ITSN2: variants seen among roughly 807,000 people sequenced by gnomAD.
ITSN2 encodes intersectin 2, also known as intersectin-2.
In ITSN2, 156 loss-of-function variants were observed where a neutral mutation model predicts 243.7. That is an observed-to-expected ratio of 0.64 (90% CI 0.56 to 0.73). ITSN2 has a LOEUF of 0.73. ITSN2 is among the 30% of genes least tolerant of loss of function. ITSN2 has a pLI of 0.00. For synonymous variants in ITSN2, 703 were observed against 699.9 expected (o/e 1.00, Z -0.07); for missense variants, 1,801 against 1,996.1 (o/e 0.90, Z 1.86).
chr2:24,208,691 C>A (rs901258772), intron 36 of ITSN2, among the ~76,000 whole-genome samples: 1 of 152,220 alleles, frequency 6.6e-6, no homozygotes, highest in Non-Finnish European at 1.5e-5. Flanking sequence ...AAGCTGGGAA[C>A]AGCGGGGATG....
chr2:24,228,549 T>C (rs986123038), intron 29 of ITSN2, among the ~76,000 whole-genome samples: 5 of 152,106 alleles, frequency 3.3e-5, no homozygotes, highest in Non-Finnish European at 5.9e-5. Flanking sequence ...AAGAGAATCA[T>C]TAGAGATAAA....
intron 15 of ITSN2, among the ~76,000 whole-genome samples, chr2:24,289,089 T>C (rs184830144): frequency 4.6e-4 from 70 of 152,334 alleles, no homozygotes; most frequent in Admixed American, 1.4e-3. Context: ...CAAGATTGCT[T>C]TGGCTATTTG....
At chr2:24,322,785 A>C (rs983131809) in intron 2 of ITSN2, among the ~76,000 whole-genome samples, 1 of 152,196 alleles carries the variant, frequency 6.6e-6, no homozygotes, top group Admixed American at 6.5e-5. Flanking sequence ...AGGAAAAGAC[A>C]AACTACAGGC....
chr2:24,205,387 G>A, intron 37 of ITSN2, 90 bp from the exon 38 acceptor site: 1 of 1,074,978 alleles, frequency 9.3e-7, no homozygotes, highest in Non-Finnish European at 1.4e-6. Context: ...CCGGCTCCCT[G>A]TCCCCATCTG....
At chr2:24,343,743 C>T (rs1358778443) in intron 1 of ITSN2, among the ~76,000 whole-genome samples, 1 of 152,194 alleles carries the variant, frequency 6.6e-6, no homozygotes, top group African/African-American at 2.4e-5. Flanking sequence ...AGAGACACAA[C>T]CCTCTAACTC....
rs1269513369 is a variant in ITSN2, at chr2:24,338,551, TGAG to T, written c.-33-10439_-33-10437del. Among the ~76,000 whole-genome samples the T allele has an allele frequency of 3.9e-5, 6 of 152,360 alleles. No individual in the cohort carries two copies. The East Asian group carries it at 1.2e-3, about 29-fold the overall frequency. On this transcript the variant is annotated intron_variant, in intron 1 of 39. Transcript: ENST00000355123. ...GAGAGTTTGGTTCTTTTCATCGACATGAGAAGAGCTGGAGCAAAATTACCTGCT... is the reference window on the plus strand; with the variant it reads ...GAGAGTTTGGTTCTTTTCATCGACATAAGAGCTGGAGCAAAATTACCTGCT...
At chr2:24,259,628 T>G (rs1675547080) in intron 22 of ITSN2, among the ~76,000 whole-genome samples, 1 of 152,220 alleles carries the variant, frequency 6.6e-6, no homozygotes, top group South Asian at 2.1e-4. Flanking sequence ...ACAATGCTTG[T>G]TTCCTGCAAA....
chr2:24,209,321 GAGA>G (rs1669245746), intron 35 of ITSN2, 100 bp from the exon 36 acceptor site: 2 of 1,427,566 alleles, frequency 1.4e-6, no homozygotes, highest in Admixed American at 3.7e-5. Context: ...GAGCCTTGTT[GAGA>G]AGGAGAAAGG....
At chr2:24,337,995 T>C (rs937952949) in intron 1 of ITSN2, among the ~76,000 whole-genome samples, 6 of 152,172 alleles carry the variant, frequency 3.9e-5, no homozygotes, top group African/African-American at 1.2e-4. Context: ...ACCTTCTGAA[T>C]GGACTTCCTT....
intron 13 of ITSN2, among the ~76,000 whole-genome samples, chr2:24,296,483 A>C (rs1048269055): frequency 7.2e-5 from 11 of 152,178 alleles, no homozygotes; most frequent in African/African-American, 2.7e-4. Flanking sequence ...AAGGTTAAAC[A>C]AAGTCATACA....
chr2:24,257,141 A>G (rs1675149280), intron 23 of ITSN2, among the ~76,000 whole-genome samples: 1 of 152,134 alleles, frequency 6.6e-6, no homozygotes, highest in Admixed American at 6.5e-5. Flanking sequence ...GTAACACAGC[A>G]AAACCCCACC....
At position 24,271,705 on chromosome 2, in the gene ITSN2, T is replaced by C. The variant is rs183146207; in HGVS notation, c.2257+61A>G. ...AATTTTCTTCCCTTTTTTTGTCTCT[T>C]ATCAGGTCATTTTTTTCTTGTTGCA... On this transcript the variant is annotated intron_variant, in intron 19 of 39. Transcript: ENST00000355123. 7 of 1,457,594 alleles carry C rather than the reference T, an allele frequency of 4.8e-6. No individual in the cohort carries two copies. The Admixed American group carries it at 1.5e-4, about 32-fold the overall frequency. 90.3% of individuals were successfully genotyped at this position (1,457,594 alleles called of 1,614,324 possible).
intron 1 of ITSN2, among the ~76,000 whole-genome samples, chr2:24,360,020 G>A (rs1357538034): frequency 6.6e-6 from 1 of 152,002 alleles, no homozygotes; most frequent in Non-Finnish European, 1.5e-5. Context: ...GCCGCGGCCA[G>A]GGACCCGGGC....
intron 29 of ITSN2, among the ~76,000 whole-genome samples, chr2:24,230,577 G>C (rs1456407241): frequency 6.6e-6 from 1 of 152,116 alleles, no homozygotes; most frequent in African/African-American, 2.4e-5. Flanking sequence ...AGACCAGCCT[G>C]GCCAACATGG....
chr2:24,249,669 T>C lies in ITSN2; in HGVS notation c.3121-787A>G, dbSNP rs1203971519. Among the ~76,000 whole-genome samples the C allele has an allele frequency of 1.3e-5, 2 of 152,200 alleles. No homozygotes were observed. The highest frequency in any genetic ancestry group is 2.9e-5 in the Non-Finnish European group (2 of 68,036). On this transcript the variant is annotated intron_variant, in intron 25 of 39. Coordinates refer to ENST00000355123, the MANE Select transcript of ITSN2 (RefSeq NM_006277.3). This position sits in a 1 kb window ranked among gnomAD's most constrained non-coding sequence, Gnocchi z 4.4. Reference sequence around the variant, plus strand: ...TCACAATAACACTATTAAGTAATTATGATTATCCCCATTTTACAGAGAAGG... The same window carrying C: ...TCACAATAACACTATTAAGTAATTACGATTATCCCCATTTTACAGAGAAGG...
chr2:24,300,011 T>C lies in ITSN2; in HGVS notation c.1242A>G (p.Gln414=), dbSNP rs1470991692. 1 of 1,614,222 alleles carries C rather than the reference T, an allele frequency of 6.2e-7. No individual in the cohort carries two copies. Among genetic ancestry groups the C allele is most frequent in the South Asian group, 1.1e-5 (1 of 91,082 alleles). ...WERKQRELQE[Q]EWKKQLELEK... Reference sequence around the variant, plus strand: ...CTAATTCAAGTTGTTTCTTCCATTCTTGTTCTTGTAATTCTCTCTGTTTTC... The same window carrying C: ...CTAATTCAAGTTGTTTCTTCCATTCCTGTTCTTGTAATTCTCTCTGTTTTC... Residue 414 remains glutamine, a synonymous_variant, in exon 12 of 40, where the codon CAA becomes CAG. Transcript: ENST00000355123.
chr2:24,340,164 C>A (rs2151902066), intron 1 of ITSN2, among the ~76,000 whole-genome samples: 1 of 152,208 alleles, frequency 6.6e-6, no homozygotes, highest in East Asian at 1.9e-4. Context: ...CATGGAGAGC[C>A]AGTATTTAAA....
intron 2 of ITSN2, among the ~76,000 whole-genome samples, chr2:24,322,704 A>C: frequency 6.6e-6 from 1 of 152,236 alleles, no homozygotes. Flanking sequence ...AAAAATCATT[A>C]AAATATTTTG....
chr2:24,359,876 CA>C (rs762024117), intron 1 of ITSN2, among the ~76,000 whole-genome samples: 38 of 152,270 alleles, frequency 2.5e-4, no homozygotes, highest in Middle Eastern at 3.4e-3. Context: ...GAAGGAAAAC[CA>C]ACTCCGCGAA....
Sources: gnomAD v4.1 joint callset for allele counts (sites outside exome capture counted in the v4.1 genomes callset) on GRCh38, gnomAD v4.1.1 for gene constraint, Gnocchi (gnomAD v3.1) non-coding constraint, MANE v1.5 for transcripts, NCBI Gene and HGNC (gene_info 2026-07-23, HGNC 2026-07-21) for gene names.